The following RNF214 variants were observed in gnomAD, a reference collection of about 807,000 sequenced individuals.
RNF214 encodes the protein ring finger protein 214.
RNF214 carries 25 observed loss-of-function variants against 75.9 expected under a neutral mutation model. The observed-to-expected ratio is 0.33, with a 90% CI of 0.24 to 0.46. RNF214 has a LOEUF of 0.46. RNF214 is among the 20% of genes least tolerant of loss of function. The pLI, the probability that RNF214 is intolerant of heterozygous loss-of-function variation, is 1.00. For missense variants in RNF214, 725 were observed against 857.5 expected (o/e 0.85, Z 1.93); for synonymous variants, 314 against 308.8 (o/e 1.02, Z -0.18).
rs1009499698 is a variant in RNF214 at position 117,282,131 on chromosome 11, A to G, written c.1573A>G (p.Met525Val). The change falls in exon 11 of 15, where the codon ATG becomes GTG. Residue 525 changes from methionine (M) to valine (V), a missense_variant. By Grantham distance (21) the Met-to-Val change is conservative (BLOSUM62 1). Transcript: ENST00000300650. ...CCTTGTCAGCCCCCACGGTCCACAC[A>G]TGCCCCCTGCCGCCTCCATCCCACC... ...GSLVSPHGPH[M>V]PPAASIPPPP... 6 of 1,613,752 alleles carry G rather than the reference A, an allele frequency of 3.7e-6. No homozygotes were observed. In the African/African-American group the frequency reaches 5.3e-5, roughly 14 times the overall value.
intron 6 of RNF214, among the ~76,000 whole-genome samples, chr11:117,279,358 G>A (rs916964723): frequency 1.5e-5 from 2 of 129,252 alleles, no homozygotes; most frequent in African/African-American, 6.0e-5. Flanking sequence ...TTGAGACAGA[G>A]TCTCGCTTTG....
rs936162419 is a variant in RNF214, at chr11:117,285,810, C to T, written c.*659C>T. ...AAAATTCACAGTCCGAGAATAACAA[C>T]ATAACCAGGTCCCAATTCCTCCATG... On this transcript the variant is annotated 3_prime_UTR_variant, in exon 15 of 15. Coordinates refer to ENST00000300650, the MANE Select transcript of RNF214 (RefSeq NM_207343.4). The T allele has an allele frequency of 2.0e-5, 3 of 152,342 alleles. No individual in the cohort carries two copies. Among genetic ancestry groups the T allele is most frequent in the African/African-American group, 7.2e-5 (3 of 41,444 alleles). The allele number at this position is 152,342 out of a possible 1,614,324, so 9.4% of individuals were successfully genotyped here. A position where few individuals can be genotyped will look rare whatever the true frequency, so the allele number is the denominator to read the frequency against.
At chr11:117,256,308 T>C (rs2033520895) in intron 6 of RNF214, among the ~76,000 whole-genome samples, 1 of 152,276 alleles carries the variant, frequency 6.6e-6, no homozygotes, top group Admixed American at 6.5e-5. Flanking sequence ...TGTCACTGTG[T>C]AAAAATACCA....
intron 4 of RNF214, among the ~76,000 whole-genome samples, chr11:117,240,906 C>T (rs951391301): frequency 2.0e-5 from 3 of 151,924 alleles, no homozygotes; most frequent in African/African-American, 7.3e-5. Flanking sequence ...AGACCAGCCA[C>T]GGTGGCTCAC....
At chr11:117,280,926 C>A (rs1017795932) in intron 8 of RNF214, among the ~76,000 whole-genome samples, 1 of 149,750 alleles carries the variant, frequency 6.7e-6, no homozygotes, top group Admixed American at 6.7e-5. Flanking sequence ...CTCTTCTCAA[C>A]GGCAATTAGC....
chr11:117,258,224 A>G (rs2033570565), intron 6 of RNF214, among the ~76,000 whole-genome samples: 1 of 151,978 alleles, frequency 6.6e-6, no homozygotes, highest in Non-Finnish European at 1.5e-5. Flanking sequence ...GCATGCCACC[A>G]CACCCAGCTG....
intron 1 of RNF214, 99 bp from the exon 2 acceptor site, chr11:117,234,151 GTTTTTGTGTTTCTTTAC>G: frequency 1.3e-6 from 1 of 747,064 alleles, no homozygotes; most frequent in South Asian, 1.7e-5. Flanking sequence ...CGGAGCCCAG[GTTTTTGTGTTTCTTTAC>G]TGCGACAGCT....
intron 6 of RNF214, among the ~76,000 whole-genome samples, chr11:117,248,724 T>C (rs907886805): frequency 1.3e-5 from 2 of 152,164 alleles, no homozygotes; most frequent in Non-Finnish European, 2.9e-5. Context: ...AATAGAACAT[T>C]ATCCCAGCCA....
chr11:117,282,074 T>C lies in RNF214; in HGVS notation c.1516T>C (p.Ser506Pro), dbSNP rs758339007. ...CCAGCCTTCCTCACCCCTTCCTGGC[T>C]CCCATGGCAGAAATAGCCCTGGCTT... ...PSQPSSPLPG[S>P]HGRNSPGLGS... is the part of the protein sequence containing the mutation. The change falls in exon 11 of 15, where the codon TCC (serine) becomes CCC (proline). Residue 506 changes from serine (S) to proline (P), a missense_variant. Coordinates refer to ENST00000300650, the MANE Select transcript of RNF214 (RefSeq NM_207343.4). 1.2e-6 allele frequency: 2 copies of C among 1,613,920 alleles called. No individual in the cohort carries two copies. Among genetic ancestry groups the C allele is most frequent in the South Asian group, 2.2e-5 (2 of 91,058 alleles).
intron 2 of RNF214, among the ~76,000 whole-genome samples, chr11:117,235,999 C>G (rs1167115037): frequency 6.6e-6 from 1 of 151,934 alleles, no homozygotes; most frequent in Admixed American, 6.6e-5. Context: ...CTTGCCCTGT[C>G]CCCCAGACTG....
chr11:117,254,364 G>T (rs1181921300), intron 6 of RNF214, among the ~76,000 whole-genome samples: 1 of 151,974 alleles, frequency 6.6e-6, no homozygotes, highest in Non-Finnish European at 1.5e-5. Flanking sequence ...GTGTCCTTCT[G>T]ACTTTGTCTT....
rs1210344411 is a variant in RNF214, at chr11:117,281,372, A to G, written c.1204A>G (p.Asn402Asp). 1.9e-6 allele frequency: 3 copies of G among 1,613,270 alleles called. No homozygotes were observed. The highest frequency in any genetic ancestry group is 2.5e-6 in the Non-Finnish European group (3 of 1,179,476). The change falls in exon 9 of 15, where the codon AAT becomes GAT. Residue 402 changes from asparagine to aspartate, a missense_variant. Physicochemically the swap from Asn to Asp is conservative, Grantham distance 23. Coordinates refer to ENST00000300650, the MANE Select transcript of RNF214 (RefSeq NM_207343.4). ...RSKQEWETRLNGVRIMKKNVR... is the reference protein window; with the variant it reads ...RSKQEWETRLDGVRIMKKNVR... Reference sequence around the variant, plus strand: ...CAAACAGGAGTGGGAGACGAGACTGAATGGAGTTCGGATAATGAAAAAGAA... The same window carrying G: ...CAAACAGGAGTGGGAGACGAGACTGGATGGAGTTCGGATAATGAAAAAGAA...
In RNF214 at chr11:117,282,808, C is replaced by T. The variant is rs1284320911; in HGVS notation, c.1908C>T (p.Phe636=). The change falls in exon 13 of 15, where the codon TTC becomes TTT. Residue 636 remains phenylalanine (F), a synonymous_variant. Transcript: ENST00000300650. ...TGGCCCAAATCAGTACCCCAATGTT[C>T]TTGCCTTCTGCCCAAGTTTCATATC... The part of the protein sequence containing the change: ...APLAQISTPM[F]LPSAQVSYPG... 5 of 1,614,170 alleles carry T rather than the reference C, an allele frequency of 3.1e-6. No homozygotes were observed. The highest frequency in any genetic ancestry group is 4.2e-6 in the Non-Finnish European group (5 of 1,180,006).
In RNF214 at chr11:117,244,459, A is replaced by G; in HGVS notation, c.693A>G (p.Thr231=). ...DIEKNLDKMM[T]ERTLLKERYQ... is the part of the protein sequence containing the mutation. ...GTTCATAATAGGATAAAATGATGAC[A>G]GAGAGAACCCTGTTGAAAGAGCGTT... is the stretch of plus-strand genomic sequence containing the variant. The change falls in exon 5 of 15, where the codon ACA becomes ACG. Residue 231 remains threonine (T), a synonymous_variant. Transcript: ENST00000300650. The G allele has an allele frequency of 3.1e-6, 5 of 1,610,362 alleles. No homozygotes were observed. The highest frequency in any genetic ancestry group is 3.4e-6 in the Non-Finnish European group (4 of 1,178,576).
At chr11:117,250,751 G>A (rs1345788942) in intron 6 of RNF214, among the ~76,000 whole-genome samples, 5 of 142,968 alleles carry the variant, frequency 3.5e-5, no homozygotes, top group Non-Finnish European at 7.7e-5. Context: ...CCTAGGCAGA[G>A]GACCCTGCGG....
At chr11:117,247,946 G>A (rs1240243189) in intron 6 of RNF214, among the ~76,000 whole-genome samples, 1 of 152,020 alleles carries the variant, frequency 6.6e-6, no homozygotes, top group Non-Finnish European at 1.5e-5. Context: ...AGCATCCAAA[G>A]TAAATTTCAA....
intron 2 of RNF214, among the ~76,000 whole-genome samples, chr11:117,235,448 G>T (rs541180319): frequency 6.6e-6 from 1 of 150,480 alleles, no homozygotes; most frequent in Non-Finnish European, 1.5e-5. Context: ...CGCCTGCCTC[G>T]GCCTCCCAAA....
chr11:117,262,732 T>TGTGTGC (rs2033695966), intron 6 of RNF214, among the ~76,000 whole-genome samples: 1 of 151,848 alleles, frequency 6.6e-6, no homozygotes, highest in African/African-American at 2.4e-5. Flanking sequence ...TGTGTGTGTG[T>TGTGTGC]GTTTAATTTT....
chr11:117,274,051 A>G (rs2033962121), intron 6 of RNF214, among the ~76,000 whole-genome samples: 1 of 152,218 alleles, frequency 6.6e-6, no homozygotes, highest in Admixed American at 6.5e-5. Flanking sequence ...CTGGTGAAGT[A>G]GCTAGTCAGA....
Sources: gnomAD v4.1 joint callset for allele counts (sites outside exome capture counted in the v4.1 genomes callset) on GRCh38, gnomAD v4.1.1 for gene constraint, MANE v1.5 for transcripts, NCBI Gene and HGNC (gene_info 2026-07-23, HGNC 2026-07-21) for gene names.